MAPK14: variants seen among roughly 807,000 people sequenced by gnomAD.
MAPK14 encodes CSAID-binding protein.
In MAPK14, 16 loss-of-function variants were observed where a neutral mutation model predicts 49.6. That is an observed-to-expected ratio of 0.32 (90% CI 0.22 to 0.49). The LOEUF (loss-of-function observed/expected upper bound fraction) is 0.49, where lower values mean the gene tolerates loss of function less well. Among genes scored for constraint, MAPK14 ranks in the 20% least tolerant of loss-of-function variants. The pLI is 0.99. For synonymous variants in MAPK14, 142 were observed against 158.0 expected, an observed-to-expected ratio of 0.90 and a Z score of 0.76; for missense variants, 200 against 441.2, an observed-to-expected ratio of 0.45 and a Z score of 4.90.
Position 36,110,381 on chromosome 6 carries a change from C to G in MAPK14, c.*1934C>G, listed in dbSNP as rs199746060. 1 of 152,656 alleles carries G rather than the reference C, an allele frequency of 6.6e-6. No homozygotes were observed. The highest frequency in any genetic ancestry group is 1.5e-5 in the Non-Finnish European group (1 of 68,044). 9.5% of individuals were successfully genotyped at this position (152,656 alleles called of 1,614,324 possible). A position where few individuals can be genotyped will look rare whatever the true frequency, so the allele number is the denominator to read the frequency against. ...AACCTTTAAAGTAAAGGCCTCATCT[C>G]CTTTATTGCAGTTCAAATCCTCACC... On this transcript the variant is annotated 3_prime_UTR_variant, in exon 12 of 12. Transcript: ENST00000229794.
intron 8 of MAPK14, among the ~76,000 whole-genome samples, chr6:36,079,811 T>A (rs1001997970): frequency 6.6e-6 from 1 of 152,176 alleles, no homozygotes; most frequent in East Asian, 1.9e-4. Context: ...TGGCTAATTA[T>A]TAAGCAACTG....
rs766871088 is a variant in MAPK14 at position 36,075,969 on chromosome 6, C to T, written c.610+7C>T. ...ATGCATTACAACCAGACAGGTATTACTCGCCTTGGTTATTTAGGGCCTTAT... is the reference window on the plus strand; with the variant it reads ...ATGCATTACAACCAGACAGGTATTATTCGCCTTGGTTATTTAGGGCCTTAT... On this transcript the variant is annotated splice_region_variant and intron_variant, in intron 7 of 11. Coordinates refer to ENST00000229794, the MANE Select transcript of MAPK14 (RefSeq NM_139012.3). 3.1e-6 allele frequency: 5 copies of T among 1,613,862 alleles called. No individual in the cohort carries two copies. The Admixed American group carries it at 6.7e-5, about 22-fold the overall frequency.
At chr6:36,047,301 TG>T (rs1420668173) in intron 1 of MAPK14, among the ~76,000 whole-genome samples, 1 of 152,002 alleles carries the variant, frequency 6.6e-6, no homozygotes, top group African/African-American at 2.4e-5. Context: ...TGGGGTGGGA[TG>T]GGGGCGGAGG....
At position 36,102,559 on chromosome 6, in the gene MAPK14, T is replaced by C; in HGVS notation, c.763-12T>C. On this transcript the variant is annotated splice_polypyrimidine_tract_variant and intron_variant, in intron 9 of 11. Coordinates refer to ENST00000229794, the MANE Select transcript of MAPK14 (RefSeq NM_139012.3). ...TTGAACAAAGTCATTCTGAAAACCC[T>C]TGTTTTTTCAGGCAAGAAACTATAT... is the stretch of plus-strand genomic sequence containing the variant. 1.2e-6 allele frequency: 2 copies of C among 1,606,714 alleles called. No homozygotes were observed. The highest frequency in any genetic ancestry group is 2.2e-5 in the South Asian group (2 of 90,206).
chr6:36,055,291 T>C (rs973324963), intron 2 of MAPK14, among the ~76,000 whole-genome samples: 1 of 152,248 alleles, frequency 6.6e-6, no homozygotes, highest in Admixed American at 6.5e-5. Context: ...GGAAATTGTT[T>C]TGTAAATTTT....
At position 36,059,275 on chromosome 6, in the gene MAPK14, A is replaced by G. The variant is rs748617106; in HGVS notation, c.247-14A>G. On this transcript the variant is annotated splice_polypyrimidine_tract_variant and intron_variant, in intron 2 of 11. Coordinates refer to ENST00000229794, the MANE Select transcript of MAPK14 (RefSeq NM_139012.3). ...AATATTTATTTACTTTTTAATTTTTATATTTTCTTACAGGTGATTGGTCTG... is the reference window on the plus strand; with the variant it reads ...AATATTTATTTACTTTTTAATTTTTGTATTTTCTTACAGGTGATTGGTCTG... The G allele has an allele frequency of 8.4e-6, 13 of 1,541,448 alleles. No homozygotes were observed. Among genetic ancestry groups the G allele is most frequent in the Admixed American group, 1.7e-5 (1 of 59,656 alleles).
intron 8 of MAPK14, among the ~76,000 whole-genome samples, chr6:36,080,283 T>C (rs941024908): frequency 1.3e-5 from 2 of 152,182 alleles, no homozygotes; most frequent in Non-Finnish European, 2.9e-5. Flanking sequence ...TTAATTACAT[T>C]CATGATGTAC....
intron 1 of MAPK14, among the ~76,000 whole-genome samples, chr6:36,049,345 T>C (rs1253098529): frequency 6.6e-6 from 1 of 152,210 alleles, no homozygotes; most frequent in Admixed American, 6.5e-5. Flanking sequence ...CCTTTCCTGT[T>C]GTCTGCAGAG....
chr6:36,068,883 C>T (rs1764163426), intron 3 of MAPK14, among the ~76,000 whole-genome samples: 1 of 152,128 alleles, frequency 6.6e-6, no homozygotes, highest in South Asian at 2.1e-4. Context: ...TCACAGGAGT[C>T]ACATTGAGAA....
chr6:36,061,964 A>G (rs1357015592), intron 3 of MAPK14, among the ~76,000 whole-genome samples: 2 of 152,248 alleles, frequency 1.3e-5, no homozygotes, highest in Non-Finnish European at 2.9e-5. Context: ...TAGTTCGACT[A>G]TAGTTATTTC....
At chr6:36,065,507 G>GGTTGTGTGTGTGT (rs1554181671) in intron 3 of MAPK14, among the ~76,000 whole-genome samples, 1 of 122,454 alleles carries the variant, frequency 8.2e-6, no homozygotes, top group Non-Finnish European at 1.7e-5. Flanking sequence ...GGGCAGAAAA[G>GGTTGTGTGTGTGT]GTGTGTGTGT....
chr6:36,096,019 G>A lies in MAPK14; in HGVS notation c.715G>A (p.Val239Ile), dbSNP rs200081934. ...IDQLKLILRL[V>I]GTPGAELLKK... Reference sequence around the variant, plus strand: ...TCAGTTGAAGCTCATTTTAAGACTCGTTGGAACCCCAGGGGCTGAGCTTTT... The same window carrying A: ...TCAGTTGAAGCTCATTTTAAGACTCATTGGAACCCCAGGGGCTGAGCTTTT... The change falls in exon 9 of 12, where the codon GTT becomes ATT. Residue 239 changes from valine (V) to isoleucine (I), a missense_variant. By Grantham distance (29) the Val-to-Ile change is conservative. Transcript: ENST00000229794. 8.1e-6 allele frequency: 13 copies of A among 1,613,240 alleles called. No individual in the cohort carries two copies. The highest frequency in any genetic ancestry group is 1.3e-5 in the African/African-American group (1 of 74,974).
At chr6:36,108,037 A>C (rs571222728) in intron 11 of MAPK14, among the ~76,000 whole-genome samples, 1 of 152,222 alleles carries the variant, frequency 6.6e-6, no homozygotes, top group Non-Finnish European at 1.5e-5. Context: ...TATTCTTTCC[A>C]CAAAACACAA....
chr6:36,117,609 CAT>C, the MAPK14 span, among the ~76,000 whole-genome samples: 11 of 152,256 alleles, frequency 7.2e-5, no homozygotes, highest in African/African-American at 2.4e-4. Flanking sequence ...AAAAGAAAAA[CAT>C]ATAAAGGTTA....
intron 3 of MAPK14, 91 bp from the exon 4 acceptor site, chr6:36,072,782 C>CA (rs952681834): frequency 2.5e-5 from 18 of 728,470 alleles, no homozygotes; most frequent in African/African-American, 3.6e-5. Flanking sequence ...AAACAAAAAC[C>CA]AAAAAAACCA....
intron 3 of MAPK14, among the ~76,000 whole-genome samples, chr6:36,066,567 C>G (rs1466407334): frequency 1.3e-5 from 2 of 151,802 alleles, no homozygotes; most frequent in Non-Finnish European, 2.9e-5. Context: ...TAACTGTGTC[C>G]GAAGAAACAA....
intron 9 of MAPK14, among the ~76,000 whole-genome samples, chr6:36,099,396 T>C (rs1765557006): frequency 6.6e-6 from 1 of 152,242 alleles, no homozygotes; most frequent in Admixed American, 6.5e-5. Flanking sequence ...CCTATACATA[T>C]AGAAAATCTC....
At chr6:36,071,130 C>G (rs1481413965) in intron 3 of MAPK14, among the ~76,000 whole-genome samples, 1 of 151,874 alleles carries the variant, frequency 6.6e-6, no homozygotes, top group East Asian at 1.9e-4. Context: ...ATCAGGAGTT[C>G]GAGACCAGCC....
intron 9 of MAPK14, chr6:36,100,210 T>C (rs1305154973): frequency 6.2e-6 from 10 of 1,613,646 alleles, no homozygotes; most frequent in African/African-American, 1.3e-5. Context: ...TTCAGCAGAT[T>C]ATGCGTCTGA....
Sources: gnomAD v4.1 joint callset for allele counts (sites outside exome capture counted in the v4.1 genomes callset) on GRCh38, gnomAD v4.1.1 for gene constraint, MANE v1.5 for transcripts, NCBI Gene and HGNC (gene_info 2026-07-23, HGNC 2026-07-21) for gene names.